CNTN5: variants seen among roughly 807,000 people sequenced by gnomAD.
The protein encoded by CNTN5 is contactin 5.
A neutral mutation model predicts 129.1 loss-of-function variants in CNTN5; 77 were observed. The observed-to-expected ratio is 0.60, with a 90% CI of 0.50 to 0.72. CNTN5 has a LOEUF of 0.72. CNTN5 is among the 30% of genes least tolerant of loss of function. The pLI, the probability that CNTN5 is intolerant of heterozygous loss-of-function variation, is 0.00. For synonymous variants in CNTN5, 509 were observed against 465.6 expected (o/e 1.09, Z -1.20); for missense variants, 1,478 against 1,328.8 (o/e 1.11, Z -1.75).
chr11:99,186,569 T>G (rs1345812388), intron 1 of CNTN5, among the ~76,000 whole-genome samples: 1 of 152,022 alleles, frequency 6.6e-6, no homozygotes, highest in Non-Finnish European at 1.5e-5. Context: ...GCCAATCTCA[T>G]ATACCACTGT....
chr11:99,909,782 A>T (rs1949607279), intron 6 of CNTN5, among the ~76,000 whole-genome samples: 2 of 150,502 alleles, frequency 1.3e-5, no homozygotes, highest in African/African-American at 2.4e-5. Flanking sequence ...GGACACAGGA[A>T]GGGGAACATC....
intron 15 of CNTN5, among the ~76,000 whole-genome samples, chr11:100,211,985 A>G (rs1949043199): frequency 6.6e-6 from 1 of 152,116 alleles, no homozygotes; most frequent in Non-Finnish European, 1.5e-5. Context: ...AAAATGCTTT[A>G]AAAGGATGAC....
chr11:100,337,441 A>C, intron 21 of CNTN5: 2 of 751,942 alleles, frequency 2.7e-6, no homozygotes, highest in Non-Finnish European at 5.0e-6. Flanking sequence ...GTGGCCCAAA[A>C]TCAGGTGTTG....
chr11:100,012,566 G>A (rs529163620), intron 9 of CNTN5, among the ~76,000 whole-genome samples: 2 of 152,136 alleles, frequency 1.3e-5, no homozygotes, highest in Non-Finnish European at 1.5e-5. Flanking sequence ...GCTTTTCCAC[G>A]GCTGCCCTAG....
intron 3 of CNTN5, among the ~76,000 whole-genome samples, chr11:99,739,708 T>G (rs1943829457): frequency 6.6e-6 from 1 of 152,162 alleles, no homozygotes; most frequent in Non-Finnish European, 1.5e-5. Flanking sequence ...AGATGAGATT[T>G]CTTACCAAGT....
At chr11:100,316,651 A>G (rs932447083) in intron 21 of CNTN5, among the ~76,000 whole-genome samples, 2 of 152,212 alleles carry the variant, frequency 1.3e-5, no homozygotes, top group Non-Finnish European at 2.9e-5. Flanking sequence ...AATAAAAATG[A>G]AACTTTTTTC....
intron 1 of CNTN5, among the ~76,000 whole-genome samples, chr11:99,146,619 A>C (rs933050731): frequency 6.6e-6 from 1 of 152,226 alleles, no homozygotes; most frequent in Non-Finnish European, 1.5e-5. Flanking sequence ...GAACATTTTC[A>C]GGGGAAAAAT....
rs1433533005 is a variant in CNTN5 at position 99,490,069 on chromosome 11, A to T, written c.-70-66076A>T. 2.6e-5 allele frequency among the ~76,000 whole-genome samples: 4 copies of T among 152,200 alleles called. No individual in the cohort carries two copies. The East Asian group carries it at 7.7e-4, about 29-fold the overall frequency. Reference sequence around the variant, plus strand: ...CTTCTTAGATTTCTTATTTAGTAATATGATGACTTCACAGAAACAGAATTA... The same window carrying T: ...CTTCTTAGATTTCTTATTTAGTAATTTGATGACTTCACAGAAACAGAATTA... On this transcript the variant is annotated intron_variant, in intron 2 of 24. Transcript: ENST00000524871.
intron 13 of CNTN5, among the ~76,000 whole-genome samples, chr11:100,181,557 G>A (rs11223109): frequency 0.031 from 4,702 of 151,720 alleles, 240 homozygotes; most frequent in African/African-American, 0.11. Flanking sequence ...CTTAAAATGC[G>A]CACTTACACA....
intron 1 of CNTN5, among the ~76,000 whole-genome samples, chr11:99,193,320 A>T (rs1824583): frequency 6.6e-6 from 1 of 152,108 alleles, no homozygotes; most frequent in East Asian, 1.9e-4. Flanking sequence ...ATGTAAAACA[A>T]GAATGGAGAG....
chr11:99,791,924 A>T (rs560730872), intron 3 of CNTN5, among the ~76,000 whole-genome samples: 1 of 152,142 alleles, frequency 6.6e-6, no homozygotes, highest in Non-Finnish European at 1.5e-5. Context: ...GTTGATGTAT[A>T]GGAATGTTAC....
intron 1 of CNTN5, among the ~76,000 whole-genome samples, chr11:99,103,643 C>T (rs946231350): frequency 6.6e-6 from 1 of 151,654 alleles, no homozygotes; most frequent in East Asian, 1.9e-4. Context: ...AACCCTGGAA[C>T]TTGTGATTGT....
intron 1 of CNTN5, among the ~76,000 whole-genome samples, chr11:99,029,953 G>A (rs1426611676): frequency 6.6e-6 from 1 of 152,082 alleles, no homozygotes; most frequent in African/African-American, 2.4e-5. Context: ...AGGAGGTTTT[G>A]ACAAAGAGAA....
chr11:99,500,189 G>A (rs1299993129), intron 2 of CNTN5, among the ~76,000 whole-genome samples: 1 of 152,136 alleles, frequency 6.6e-6, no homozygotes, highest in Non-Finnish European at 1.5e-5. Flanking sequence ...TGTGATTTTT[G>A]CCACTGAAAG....
chr11:100,168,851 C>T (rs1947735755), intron 13 of CNTN5, among the ~76,000 whole-genome samples: 2 of 151,950 alleles, frequency 1.3e-5, no homozygotes, highest in South Asian at 4.1e-4. Flanking sequence ...ATTGTAGATG[C>T]CATTAAGAAC....
At chr11:100,099,019 G>C (rs1323652258) in intron 13 of CNTN5, among the ~76,000 whole-genome samples, 1 of 152,064 alleles carries the variant, frequency 6.6e-6, no homozygotes, top group East Asian at 1.9e-4. Flanking sequence ...GGGCGGGAAA[G>C]ACAAGTGGGA....
At chr11:99,585,495 A>T (rs1949763718) in intron 3 of CNTN5, among the ~76,000 whole-genome samples, 1 of 152,088 alleles carries the variant, frequency 6.6e-6, no homozygotes, top group African/African-American at 2.4e-5. Context: ...ATGGTTATTT[A>T]AAAAAATATA....
chr11:99,179,084 T>A (rs1857919460), intron 1 of CNTN5, among the ~76,000 whole-genome samples: 1 of 152,186 alleles, frequency 6.6e-6, no homozygotes, highest in East Asian at 1.9e-4. Context: ...TTATATACCT[T>A]CATATAATAA....
chr11:99,720,190 G>A lies in CNTN5; in HGVS notation c.56-99354G>A, dbSNP rs572586873. 3.9e-5 allele frequency among the ~76,000 whole-genome samples: 6 copies of A among 152,030 alleles called. No homozygotes were observed. The South Asian group carries it at 1.0e-3, about 26-fold the overall frequency. On this transcript the variant is annotated intron_variant, in intron 3 of 24. Transcript: ENST00000524871. ...CTATCTATGAGGCCAGCATCATCTTGCTACCAAAACCTGGCAGAGCCATAG... is the reference window on the plus strand; with the variant it reads ...CTATCTATGAGGCCAGCATCATCTTACTACCAAAACCTGGCAGAGCCATAG...
Sources: gnomAD v4.1 joint callset for allele counts (sites outside exome capture counted in the v4.1 genomes callset) on GRCh38, gnomAD v4.1.1 for gene constraint, MANE v1.5 for transcripts, NCBI Gene and HGNC (gene_info 2026-07-23, HGNC 2026-07-21) for gene names.